Variants in NRG3 observed in about 807,000 individuals in gnomAD.
NRG3 encodes the protein pro-neuregulin-3, membrane-bound isoform.
NRG3 carries 31 observed loss-of-function variants against 66.9 expected under a neutral mutation model. The observed-to-expected ratio is 0.46, with a 90% CI of 0.35 to 0.63. NRG3 has a LOEUF of 0.63. Among genes scored for constraint, NRG3 ranks in the 20% least tolerant of loss-of-function variants. The pLI, the probability that NRG3 is intolerant of heterozygous loss-of-function variation, is 0.00. For missense variants in NRG3, 910 were observed against 878.9 expected (o/e 1.04, Z -0.45); for synonymous variants, 393 against 359.4 (o/e 1.09, Z -1.06).
chr10:82,411,345 G>A (rs374343720), intron 2 of NRG3, among the ~76,000 whole-genome samples: 3 of 152,128 alleles, frequency 2.0e-5, no homozygotes, highest in African/African-American at 7.2e-5. Flanking sequence ...ACCAAATGAC[G>A]TTTGTTTGTT....
intron 2 of NRG3, among the ~76,000 whole-genome samples, chr10:82,440,345 A>T (rs1007249894): frequency 1.4e-5 from 2 of 145,784 alleles, no homozygotes; most frequent in Non-Finnish European, 3.0e-5. Context: ...AATCCTTTCT[A>T]CTAGTTTGCC....
intron 2 of NRG3, among the ~76,000 whole-genome samples, chr10:82,466,367 G>A (rs1840676567): frequency 6.6e-6 from 1 of 152,116 alleles, no homozygotes; most frequent in African/African-American, 2.4e-5. Flanking sequence ...CTGAAGCAAT[G>A]CCCTAACCCC....
intron 4 of NRG3, among the ~76,000 whole-genome samples, chr10:82,932,248 C>T (rs573634584): frequency 1.3e-5 from 2 of 152,310 alleles, no homozygotes; most frequent in Admixed American, 1.3e-4. Flanking sequence ...ATTCTGACCT[C>T]ACCGCTACAC....
At chr10:82,972,035 TA>T (rs1851806440) in intron 6 of NRG3, among the ~76,000 whole-genome samples, 1 of 152,194 alleles carries the variant, frequency 6.6e-6, no homozygotes, top group Non-Finnish European at 1.5e-5. Context: ...TTTTAATAGT[TA>T]AATCTAACCA....
chr10:82,861,569 A>C (rs746501817), intron 3 of NRG3, among the ~76,000 whole-genome samples: 20 of 152,186 alleles, frequency 1.3e-4, no homozygotes, highest in Non-Finnish European at 2.6e-4. Flanking sequence ...AGCACAATCT[A>C]CAGATTCACA....
chr10:81,960,794 G>A (rs558023483), intron 1 of NRG3, among the ~76,000 whole-genome samples: 2 of 151,972 alleles, frequency 1.3e-5, no homozygotes, highest in African/African-American at 2.4e-5. Flanking sequence ...TGCCACATCC[G>A]CTGATTTCAG....
intron 1 of NRG3, among the ~76,000 whole-genome samples, chr10:82,013,619 TG>T (rs914521337): frequency 1.1e-4 from 16 of 152,262 alleles, no homozygotes; most frequent in South Asian, 2.1e-4. Context: ...CAACGTCGTA[TG>T]TTTTTTTTCT....
chr10:82,408,583 T>G (rs2087801555), intron 2 of NRG3, among the ~76,000 whole-genome samples: 1 of 150,562 alleles, frequency 6.6e-6, no homozygotes, highest in Non-Finnish European at 1.5e-5. Flanking sequence ...TTCAAGAACA[T>G]GTTGACTTTT....
At chr10:82,251,383 C>T (rs747571156) in intron 1 of NRG3, among the ~76,000 whole-genome samples, 38 of 152,154 alleles carry the variant, frequency 2.5e-4, no homozygotes, top group Admixed American at 1.2e-3. Context: ...TCCTGCTGAG[C>T]GACAGGAAGC....
chr10:82,923,287 C>A (rs1846630690), intron 4 of NRG3, among the ~76,000 whole-genome samples: 1 of 152,242 alleles, frequency 6.6e-6, no homozygotes, highest in South Asian at 2.1e-4. Context: ...CACTTACCAA[C>A]TAAGCTTTCA....
chr10:82,060,739 T>A (rs2133228499), intron 1 of NRG3, among the ~76,000 whole-genome samples: 1 of 152,318 alleles, frequency 6.6e-6, no homozygotes, highest in African/African-American at 2.4e-5. Context: ...TTGGTGCCTC[T>A]CAGGTTGGAA....
chr10:82,031,533 A>G (rs2062566643), intron 1 of NRG3, among the ~76,000 whole-genome samples: 1 of 152,134 alleles, frequency 6.6e-6, no homozygotes, highest in South Asian at 2.1e-4. Context: ...TAAGTAAGCA[A>G]TGCTAACATA....
intron 1 of NRG3, among the ~76,000 whole-genome samples, chr10:82,070,668 T>C (rs2064754602): frequency 1.3e-5 from 2 of 151,858 alleles, no homozygotes; most frequent in Non-Finnish European, 1.5e-5. Context: ...AGATAAATGA[T>C]AGGAAAAAAA....
At chr10:82,406,857 C>T (rs1301253684) in intron 2 of NRG3, among the ~76,000 whole-genome samples, 1 of 152,078 alleles carries the variant, frequency 6.6e-6, no homozygotes, top group Non-Finnish European at 1.5e-5. Flanking sequence ...GAATTATTTT[C>T]TGTTACGACT....
Position 82,946,404 on chromosome 10 carries a change from T to A in NRG3, c.1055-5065T>A, listed in dbSNP as rs192707278. ...AAACACAAAAATTAGCTGGGCATGG[T>A]GGCACGCACCTGTAGTCCCAGCTGC... On this transcript the variant is annotated intron_variant, in intron 4 of 8. Coordinates refer to ENST00000372141, the MANE Select transcript of NRG3 (RefSeq NM_001010848.4). Among the ~76,000 whole-genome samples, 8 of 151,926 alleles carry A rather than the reference T, an allele frequency of 5.3e-5. No individual in the cohort carries two copies. The East Asian group carries it at 1.4e-3, about 26-fold the overall frequency.
chr10:82,645,517 C>T (rs1026045007), intron 2 of NRG3, among the ~76,000 whole-genome samples: 6 of 152,156 alleles, frequency 3.9e-5, no homozygotes, highest in African/African-American at 1.4e-4. Flanking sequence ...ATAATTGCTC[C>T]AAAGTCATTC....
intron 1 of NRG3, among the ~76,000 whole-genome samples, chr10:82,226,075 G>T (rs1345321153): frequency 6.6e-6 from 1 of 151,874 alleles, no homozygotes; most frequent in African/African-American, 2.4e-5. Flanking sequence ...TTTACCCCAA[G>T]AATCTATCCA....
intron 2 of NRG3, among the ~76,000 whole-genome samples, chr10:82,430,978 C>T (rs2136322170): frequency 6.6e-6 from 1 of 152,264 alleles, no homozygotes; most frequent in East Asian, 1.9e-4. Flanking sequence ...TAGGTATGCA[C>T]ACAGACTTTT....
chr10:82,500,180 G>C (rs946833727), intron 2 of NRG3, among the ~76,000 whole-genome samples: 3 of 152,126 alleles, frequency 2.0e-5, no homozygotes, highest in Non-Finnish European at 2.9e-5. Flanking sequence ...CATAAGTCCT[G>C]AAGTCTCTAT....
Sources: gnomAD v4.1 joint callset for allele counts (sites outside exome capture counted in the v4.1 genomes callset) on GRCh38, gnomAD v4.1.1 for gene constraint, MANE v1.5 for transcripts, NCBI Gene and HGNC (gene_info 2026-07-23, HGNC 2026-07-21) for gene names.